Variants in NPRL3 observed in about 807,000 individuals in gnomAD.
NPRL3 encodes the protein GATOR1 complex protein NPRL3.
NPRL3 carries 23 observed loss-of-function variants against 57.2 expected under a neutral mutation model. That is an observed-to-expected ratio of 0.40 (90% CI 0.29 to 0.57). NPRL3 has a LOEUF of 0.57. Ranked by LOEUF, NPRL3 falls within the 20% of genes least tolerant of loss-of-function variation. The pLI is 0.42. For missense variants in NPRL3, 691 were observed against 767.1 expected (o/e 0.90, Z 1.17); for synonymous variants, 333 against 321.1 (o/e 1.04, Z -0.39).
chr16:106,576 G>A (rs1436829792), intron 7 of NPRL3, among the ~76,000 whole-genome samples: 1 of 134,642 alleles, frequency 7.4e-6, no homozygotes, highest in Non-Finnish European at 1.5e-5. Flanking sequence ...AGATGTTGCA[G>A]TGAGCCAAGA....
chr16:136,243 A>G (rs537181345), intron 2 of NPRL3, among the ~76,000 whole-genome samples: 9 of 152,368 alleles, frequency 5.9e-5, no homozygotes, highest in Non-Finnish European at 8.8e-5. Flanking sequence ...ACAAATCACA[A>G]TATGTTCATC....
intron 12 of NPRL3, 82 bp from the exon 13 acceptor site, chr16:88,972 C>T: frequency 7.9e-7 from 1 of 1,271,524 alleles, no homozygotes; most frequent in South Asian, 1.3e-5. Flanking sequence ...AGCAGCCAGC[C>T]TCCAATGACA....
chr16:89,754 C>T lies in NPRL3; in HGVS notation c.1310G>A (p.Arg437His), dbSNP rs751207437. The T allele has an allele frequency of 8.8e-6, 14 of 1,594,178 alleles. No homozygotes were observed. The highest frequency in any genetic ancestry group is 5.2e-5 in the Admixed American group (3 of 57,430). ...GAGGGCGTTGGGCGTGCTGAGGCTG[C>T]GACCGCCGACCCGGGCAGTGAAGGG... ...DVPFTARVGGRSLSTPNALSF... is the reference protein window; with the variant it reads ...DVPFTARVGGHSLSTPNALSF... The change falls in exon 12 of 14, where the codon CGC (arginine) becomes CAC (histidine). Residue 437 changes from arginine (R) to histidine (H), a missense_variant. Transcript: ENST00000611875.
intron 7 of NPRL3, among the ~76,000 whole-genome samples, chr16:107,248 G>A (rs1306989090): frequency 2.0e-5 from 3 of 152,242 alleles, no homozygotes; most frequent in East Asian, 1.9e-4. Context: ...GAGCTCCTCC[G>A]CAGCCTGCAG....
intron 7 of NPRL3, among the ~76,000 whole-genome samples, chr16:107,537 G>A (rs984774274): frequency 8.7e-5 from 13 of 150,104 alleles, no homozygotes; most frequent in Admixed American, 2.0e-4. Context: ...CCAGCTACTC[G>A]GGAGGCTGAG....
intron 9 of NPRL3, 118 bp downstream of exon 9, chr16:98,027 G>A: frequency 7.8e-7 from 1 of 1,283,632 alleles, no homozygotes; most frequent in South Asian, 1.4e-5. Context: ...CCCATGGTGG[G>A]CTGTGCCGCG....
chr16:134,618 A>G (rs1468641396), intron 2 of NPRL3, among the ~76,000 whole-genome samples: 1 of 152,116 alleles, frequency 6.6e-6, no homozygotes, highest in African/African-American at 2.4e-5. Flanking sequence ...CAGCCAGGAT[A>G]ACGCTGAAAA....
At chr16:87,867 AC>A (rs1898566424) in intron 13 of NPRL3, among the ~76,000 whole-genome samples, 1 of 77,974 alleles carries the variant, frequency 1.3e-5, no homozygotes, top group Non-Finnish European at 2.8e-5. Flanking sequence ...ACCGCGCCTG[AC>A]TTTTTTTTTT....
chr16:114,536 G>C (rs1160999727), intron 5 of NPRL3, among the ~76,000 whole-genome samples: 1 of 152,184 alleles, frequency 6.6e-6, no homozygotes, highest in Non-Finnish European at 1.5e-5. Flanking sequence ...ACTGCACAAT[G>C]AGATTAATCC....
At chr16:101,137 C>A (rs1248112389) in intron 7 of NPRL3, among the ~76,000 whole-genome samples, 2 of 152,066 alleles carry the variant, frequency 1.3e-5, no homozygotes, top group Admixed American at 1.3e-4. Flanking sequence ...GGCCCCTGCC[C>A]GTCCAGACCC....
intron 7 of NPRL3, among the ~76,000 whole-genome samples, chr16:103,305 T>TGTTTGTTTGTTTG (rs1567136035): frequency 4.0e-5 from 4 of 100,260 alleles, no homozygotes; most frequent in African/African-American, 1.5e-4. Context: ...GATTTTTTTT[T>TGTTTGTTTGTTTG]TTTTTTTTTT....
Position 86,119 on chromosome 16 carries a change from A to T in NPRL3, c.*586T>A. Reference sequence around the variant, plus strand: ...TGCCCCAGATGGTCAGGACCAGGTCACAGCTTGGCTATGAGCCTGTTTGCG... The same window carrying T: ...TGCCCCAGATGGTCAGGACCAGGTCTCAGCTTGGCTATGAGCCTGTTTGCG... On this transcript the variant is annotated 3_prime_UTR_variant, in exon 14 of 14. Coordinates refer to ENST00000611875, the MANE Select transcript of NPRL3 (RefSeq NM_001077350.3). 4.1e-6 allele frequency: 1 copy of T among 242,780 alleles called. No homozygotes were observed. The highest frequency in any genetic ancestry group is 5.1e-5 in the Admixed American group (1 of 19,464). 15.0% of individuals were successfully genotyped at this position (242,780 alleles called of 1,614,324 possible).
At chr16:131,725 C>G (rs1900813445) in intron 2 of NPRL3, among the ~76,000 whole-genome samples, 1 of 151,388 alleles carries the variant, frequency 6.6e-6, no homozygotes, top group Non-Finnish European at 1.5e-5. Flanking sequence ...TTGCTGAAGG[C>G]TGGGGTGCTG....
chr16:89,736 T>C lies in NPRL3; in HGVS notation c.1328A>G (p.Asn443Ser). The change falls in exon 12 of 14, where the codon AAC (asparagine) becomes AGC (serine). Residue 443 changes from asparagine to serine, a missense_variant. Asn to Ser is a conservative substitution (Grantham distance 46). Coordinates refer to ENST00000611875, the MANE Select transcript of NPRL3 (RefSeq NM_001077350.3). ...RVGGRSLSTPNALSFGSPTSS... is the reference protein window; with the variant it reads ...RVGGRSLSTPSALSFGSPTSS... ...ACTTGGGGAGCCAAAGCTGAGGGCGTTGGGCGTGCTGAGGCTGCGACCGCC... is the reference window on the plus strand; with the variant it reads ...ACTTGGGGAGCCAAAGCTGAGGGCGCTGGGCGTGCTGAGGCTGCGACCGCC... The C allele has an allele frequency of 6.3e-7, 1 of 1,590,348 alleles. No homozygotes were observed. The highest frequency in any genetic ancestry group is 1.1e-5 in the South Asian group (1 of 88,890).
intron 7 of NPRL3, among the ~76,000 whole-genome samples, chr16:103,389 C>T (rs1274068065): frequency 4.2e-5 from 6 of 144,532 alleles, no homozygotes; most frequent in African/African-American, 7.7e-5. Context: ...GATCCTCCCA[C>T]CTTGGCTTTT....
At chr16:94,232 C>A (rs1441295048) in intron 9 of NPRL3, among the ~76,000 whole-genome samples, 4 of 152,124 alleles carry the variant, frequency 2.6e-5, no homozygotes, top group African/African-American at 9.7e-5. Context: ...AAACACAACC[C>A]AAACCCCTTC....
chr16:100,697 C>T lies in NPRL3; in HGVS notation c.630-188G>A, dbSNP rs2256153. The stretch of plus-strand genomic sequence containing the variant: ...GAAAAGAAAATATGGGGGCCGGGCA[C>T]GGTGGCTCATGCCTGTAATCCCAGC... On this transcript the variant is annotated intron_variant, in intron 7 of 13. Coordinates refer to ENST00000611875, the MANE Select transcript of NPRL3 (RefSeq NM_001077350.3). 0.85 allele frequency among the ~76,000 whole-genome samples: 128,384 copies of T among 150,458 alleles called. 54,888 individuals carry two copies. The highest frequency in any genetic ancestry group is 0.88 in the South Asian group (4,158 of 4,710).
In NPRL3 at chr16:100,444, G is replaced by A; in HGVS notation, c.695C>T (p.Pro232Leu). Reference sequence around the variant, plus strand: ...GGAGGCCGCATAGTGGATCTTGTGGGGCAGGCAGAAGCTCACCTCCAGCCA... The same window carrying A: ...GGAGGCCGCATAGTGGATCTTGTGGAGCAGGCAGAAGCTCACCTCCAGCCA... Reference protein sequence around the residue: ...NSWLEVSFCLPHKIHYAASSL... With the variant: ...NSWLEVSFCLLHKIHYAASSL... The change falls in exon 8 of 14, where the codon CCC becomes CTC. Residue 232 changes from proline (P) to leucine (L), a missense_variant. Transcript: ENST00000611875. The A allele has an allele frequency of 6.2e-7, 1 of 1,606,014 alleles. No individual in the cohort carries two copies. Among genetic ancestry groups the A allele is most frequent in the Non-Finnish European group, 8.5e-7 (1 of 1,177,004 alleles).
intron 3 of NPRL3, among the ~76,000 whole-genome samples, chr16:121,264 C>T (rs1370024486): frequency 6.6e-6 from 1 of 152,142 alleles, no homozygotes; most frequent in Non-Finnish European, 1.5e-5. Flanking sequence ...AAATAAAAGG[C>T]TCTTTCCCTG....
Sources: allele counts gnomAD v4.1 joint callset (sites outside exome capture counted in the v4.1 genomes callset), GRCh38; gene constraint gnomAD v4.1.1; transcripts MANE v1.5; gene names NCBI Gene and HGNC (gene_info 2026-07-23, HGNC 2026-07-21).